The following CHCHD6 variants were observed in gnomAD, a reference collection of about 807,000 sequenced individuals.
CHCHD6 encodes the protein coiled-coil-helix-coiled-coil-helix domain containing 6.
In CHCHD6, 28 loss-of-function variants were observed where a neutral mutation model predicts 32.3. The ratio of observed to expected loss-of-function variants is 0.87; its 90% CI spans 0.64 to 1.19. CHCHD6 has a LOEUF of 1.19. CHCHD6 is among the 50% of genes most tolerant of loss of function. The pLI, the probability that CHCHD6 is intolerant of heterozygous loss-of-function variation, is 0.00. For synonymous variants in CHCHD6, 122 were observed against 117.5 expected (o/e 1.04, Z -0.25); for missense variants, 333 against 307.0 (o/e 1.08, Z -0.63).
chr3:126,862,005 C>A (rs952684468), intron 5 of CHCHD6, among the ~76,000 whole-genome samples: 2 of 53,976 alleles, frequency 3.7e-5, no homozygotes, highest in Non-Finnish European at 8.4e-5. Flanking sequence ...CCACCATCAC[C>A]ACCTCCCCCT....
chr3:126,753,524 G>A lies in CHCHD6; in HGVS notation c.411+20302G>A, dbSNP rs533181066. ...GTGGAGTTCTCTGTAAACATTGGAC[G>A]GGGCCTCTGTAGAAGTGGCATCAGC... On this transcript the variant is annotated intron_variant, in intron 4 of 7. Coordinates refer to ENST00000290913, the MANE Select transcript of CHCHD6 (RefSeq NM_032343.3). Among the ~76,000 whole-genome samples, 6 of 152,258 alleles carry A rather than the reference G, an allele frequency of 3.9e-5. No homozygotes were observed. The South Asian group carries it at 1.2e-3, about 32-fold the overall frequency.
Position 126,713,905 on chromosome 3 carries a change from G to T in CHCHD6, c.87+9506G>T, listed in dbSNP as rs532000318. ...ATCCTGTCTAATATGGTGAAACCCT[G>T]TCTCTACTAAAAATACAAAAAGTTA... On this transcript the variant is annotated intron_variant, in intron 1 of 7. Transcript: ENST00000290913. Among the ~76,000 whole-genome samples the T allele has an allele frequency of 5.3e-5, 8 of 151,622 alleles. 1 individual carries two copies. The highest frequency in any genetic ancestry group is 5.2e-4 in the Admixed American group (8 of 15,248).
intron 6 of CHCHD6, among the ~76,000 whole-genome samples, chr3:126,944,968 G>T (rs1472025041): frequency 6.6e-6 from 1 of 152,238 alleles, no homozygotes; most frequent in African/African-American, 2.4e-5. Flanking sequence ...TGAGGGCAGG[G>T]CAGAGGTTTC....
At chr3:126,803,296 T>C (rs960424945) in intron 4 of CHCHD6, among the ~76,000 whole-genome samples, 58 of 152,258 alleles carry the variant, frequency 3.8e-4, no homozygotes, top group African/African-American at 8.2e-4. Flanking sequence ...CAAGACCCAT[T>C]GGTGTGCTGT....
chr3:126,879,172 G>A (rs1161620771), intron 5 of CHCHD6, among the ~76,000 whole-genome samples: 1 of 152,128 alleles, frequency 6.6e-6, no homozygotes, highest in African/African-American at 2.4e-5. Context: ...TGCCACTTTT[G>A]CCCTATTTAT....
At chr3:126,845,002 C>T (rs1031535653) in intron 4 of CHCHD6, among the ~76,000 whole-genome samples, 1 of 152,172 alleles carries the variant, frequency 6.6e-6, no homozygotes, top group Non-Finnish European at 1.5e-5. Context: ...TACAGCCCTG[C>T]CACTAGCATG....
chr3:126,927,022 G>A (rs929765770), intron 6 of CHCHD6, among the ~76,000 whole-genome samples: 2 of 152,112 alleles, frequency 1.3e-5, no homozygotes, highest in African/African-American at 2.4e-5. Flanking sequence ...GGGAACAGTC[G>A]GGTAATGTGA....
intron 4 of CHCHD6, among the ~76,000 whole-genome samples, chr3:126,846,227 A>G (rs775196848): frequency 5.9e-5 from 9 of 152,112 alleles, no homozygotes; most frequent in Non-Finnish European, 1.3e-4. Context: ...TCTTTATACA[A>G]CCTGACTCAG....
At chr3:126,755,810 CTA>C (rs1339909507) in intron 4 of CHCHD6, among the ~76,000 whole-genome samples, 2 of 151,088 alleles carry the variant, frequency 1.3e-5, no homozygotes, top group South Asian at 4.2e-4. Flanking sequence ...GCACTGTTGT[CTA>C]TGTGTGTGTG....
At position 126,957,540 on chromosome 3, in the gene CHCHD6, G is replaced by A. The variant is rs372203120; in HGVS notation, c.691G>A (p.Ala231Thr). 124 of 1,569,916 alleles carry A rather than the reference G, an allele frequency of 7.9e-5. 1 individual carries two copies. The highest frequency in any genetic ancestry group is 1.5e-4 in the African/African-American group (11 of 73,782). ...CAAGGCATACCAGCGCTGCGTGAGC[G>A]CCGCCCACAAGGTAAGGCCTTGCCT... The part of the protein sequence containing the change: ...LVKAYQRCVS[A>T]AHKG Residue 231 changes from alanine to threonine, a missense_variant, in exon 7 of 8, where the codon GCC (alanine) becomes ACC (threonine). Physicochemically the swap from Ala to Thr is moderately conservative, Grantham distance 58. Transcript: ENST00000290913.
rs765969321 is a variant in CHCHD6, at chr3:126,852,684, G to T, written c.449G>T (p.Arg150Leu). 4.3e-6 allele frequency: 7 copies of T among 1,613,798 alleles called. No homozygotes were observed. Among genetic ancestry groups the T allele is most frequent in the Non-Finnish European group, 5.9e-6 (7 of 1,179,822 alleles). The part of the protein sequence containing the change: ...ELESREAELR[R>L]RDTFYKEQLE... ...GAGAGCAGAGAGGCAGAGCTAAGAC[G>T]CCGTGACACCTTCTACAAGGAGCAG... The change falls in exon 5 of 8, where the codon CGC becomes CTC. Residue 150 changes from arginine to leucine, a missense_variant. Arg to Leu is a moderately radical substitution (Grantham distance 102). Coordinates refer to ENST00000290913, the MANE Select transcript of CHCHD6 (RefSeq NM_032343.3).
At chr3:126,925,390 C>T (rs897989550) in intron 6 of CHCHD6, among the ~76,000 whole-genome samples, 1 of 152,234 alleles carries the variant, frequency 6.6e-6, no homozygotes, top group Admixed American at 6.5e-5. Context: ...CAGCCTTGGA[C>T]TGCAGCTGTG....
chr3:126,845,039 G>A (rs1941247514), intron 4 of CHCHD6, among the ~76,000 whole-genome samples: 2 of 152,198 alleles, frequency 1.3e-5, no homozygotes, highest in African/African-American at 4.8e-5. Context: ...ACCTGTTTGA[G>A]ACTTCTGACC....
At chr3:126,789,845 G>T (rs1010333605) in intron 4 of CHCHD6, among the ~76,000 whole-genome samples, 1 of 151,934 alleles carries the variant, frequency 6.6e-6, no homozygotes, top group Admixed American at 6.6e-5. Flanking sequence ...ATATTGTTAT[G>T]TGTGAATTCG....
intron 5 of CHCHD6, among the ~76,000 whole-genome samples, chr3:126,895,058 A>T (rs890083546): frequency 6.6e-6 from 1 of 152,252 alleles, no homozygotes; most frequent in Non-Finnish European, 1.5e-5. Flanking sequence ...CCCAAATGGA[A>T]TCACACGATA....
intron 6 of CHCHD6, among the ~76,000 whole-genome samples, chr3:126,930,684 A>G (rs1179248460): frequency 6.6e-6 from 1 of 152,186 alleles, no homozygotes; most frequent in African/African-American, 2.4e-5. Flanking sequence ...TCTCTTCTGT[A>G]AAAGGGGTGA....
chr3:126,804,995 C>T (rs1170249895), intron 4 of CHCHD6, among the ~76,000 whole-genome samples: 1 of 152,076 alleles, frequency 6.6e-6, no homozygotes, highest in African/African-American at 2.4e-5. Context: ...TGACAAAATT[C>T]AACAACCCTT....
At chr3:126,803,706 A>G (rs1194138362) in intron 4 of CHCHD6, among the ~76,000 whole-genome samples, 1 of 151,936 alleles carries the variant, frequency 6.6e-6, no homozygotes, top group Non-Finnish European at 1.5e-5. Context: ...GGCTCTGCCA[A>G]GCAGACCTAA....
intron 5 of CHCHD6, among the ~76,000 whole-genome samples, chr3:126,908,441 C>G (rs905258281): frequency 6.6e-6 from 1 of 152,216 alleles, no homozygotes; most frequent in African/African-American, 2.4e-5. Context: ...TTGGTTGACT[C>G]TATAAATAAC....
Sources: allele counts gnomAD v4.1 joint callset (sites outside exome capture counted in the v4.1 genomes callset), GRCh38; gene constraint gnomAD v4.1.1; transcripts MANE v1.5; gene names NCBI Gene and HGNC (gene_info 2026-07-23, HGNC 2026-07-21).